The following PLCB1 variants were observed in gnomAD, a reference collection of about 807,000 sequenced individuals.
The protein encoded by PLCB1 is 1-phosphatidylinositol 4,5-bisphosphate phosphodiesterase beta-1.
PLCB1 carries 46 observed loss-of-function variants against 161.8 expected under a neutral mutation model. That is an observed-to-expected ratio of 0.28 (90% CI 0.22 to 0.36). PLCB1 has a LOEUF of 0.36. Among genes scored for constraint, PLCB1 ranks in the 10% least tolerant of loss-of-function variants. PLCB1 has a pLI of 1.00. For missense variants in PLCB1, 1,016 were observed against 1,472.5 expected, an observed-to-expected ratio of 0.69 and a Z score of 5.07; for synonymous variants, 517 against 503.7, an observed-to-expected ratio of 1.03 and a Z score of -0.35.
At chr20:8,697,484 T>C (rs932642424) in intron 10 of PLCB1, 142 bp from the exon 11 acceptor site, 10 of 772,120 alleles carry the variant, frequency 1.3e-5, no homozygotes, top group Middle Eastern at 6.9e-4. Context: ...TTCTGGTATG[T>C]TGAGGCAGAA....
chr20:8,442,001 T>C (rs550520328), intron 3 of PLCB1, among the ~76,000 whole-genome samples: 1 of 152,228 alleles, frequency 6.6e-6, no homozygotes, highest in East Asian at 1.9e-4. Flanking sequence ...CACACACACA[T>C]ACGCAGAAGA....
At chr20:8,663,971 G>A (rs766902164) in intron 9 of PLCB1, among the ~76,000 whole-genome samples, 17 of 152,028 alleles carry the variant, frequency 1.1e-4, no homozygotes, top group Non-Finnish European at 2.2e-4. Flanking sequence ...AAATAGAATA[G>A]CTCTATAGGT....
At chr20:8,410,980 G>A (rs949508504) in intron 3 of PLCB1, among the ~76,000 whole-genome samples, 5 of 152,338 alleles carry the variant, frequency 3.3e-5, no homozygotes, top group South Asian at 2.1e-4. Flanking sequence ...CCGTAGCAGC[G>A]TGACACTGAT....
intron 3 of PLCB1, among the ~76,000 whole-genome samples, chr20:8,606,835 A>C (rs2123159441): frequency 6.6e-6 from 1 of 152,326 alleles, no homozygotes; most frequent in Admixed American, 6.5e-5. Context: ...CACTTGGAAA[A>C]GTATTTCAAG....
At chr20:8,693,540 A>C (rs934695369) in intron 10 of PLCB1, among the ~76,000 whole-genome samples, 1 of 152,190 alleles carries the variant, frequency 6.6e-6, no homozygotes, top group Non-Finnish European at 1.5e-5. Context: ...AAGCAAGGAA[A>C]TGTAGTCCTC....
chr20:8,861,362 A>T (rs1260412134), intron 31 of PLCB1, among the ~76,000 whole-genome samples: 2 of 152,224 alleles, frequency 1.3e-5, no homozygotes, highest in Non-Finnish European at 2.9e-5. Flanking sequence ...ATAAGTCATT[A>T]GTTGGTGAGT....
chr20:8,868,604 T>C (rs370562317), intron 31 of PLCB1, among the ~76,000 whole-genome samples: 6 of 152,316 alleles, frequency 3.9e-5, no homozygotes, highest in African/African-American at 9.6e-5. Context: ...GATGGAGCCC[T>C]GGATAGGAGG....
intron 3 of PLCB1, among the ~76,000 whole-genome samples, chr20:8,378,406 G>T (rs150917576): frequency 6.6e-6 from 1 of 152,306 alleles, no homozygotes. Context: ...GCATGTAAAA[G>T]TTATGATTAC....
chr20:8,305,164 C>G (rs1159068693), intron 2 of PLCB1, among the ~76,000 whole-genome samples: 1 of 151,806 alleles, frequency 6.6e-6, no homozygotes, highest in Non-Finnish European at 1.5e-5. Context: ...TTAAGAACAC[C>G]TGTACTTAAC....
At chr20:8,841,644 T>C (rs899688025) in intron 31 of PLCB1, among the ~76,000 whole-genome samples, 27 of 150,986 alleles carry the variant, frequency 1.8e-4, no homozygotes, top group African/African-American at 6.0e-4. Flanking sequence ...TCCTGACTTA[T>C]ATCTCCACTC....
At chr20:8,733,088 C>A (rs1470887175) in intron 18 of PLCB1, 150 bp from the exon 19 acceptor site, 2 of 755,534 alleles carry the variant, frequency 2.6e-6, no homozygotes, top group African/African-American at 3.5e-5. Flanking sequence ...TAATTTTTTT[C>A]TTATCTGTGT....
intron 2 of PLCB1, among the ~76,000 whole-genome samples, chr20:8,159,988 C>CA (rs375028388): frequency 0.45 from 35,362 of 79,030 alleles, 6,532 homozygotes; most frequent in Non-Finnish European, 0.49. Context: ...AACTCCATCT[C>CA]AAAAAAAAAA....
intron 4 of PLCB1, among the ~76,000 whole-genome samples, chr20:8,638,561 T>C (rs1389173180): frequency 6.6e-6 from 1 of 152,118 alleles, no homozygotes; most frequent in African/African-American, 2.4e-5. Flanking sequence ...TAGAAATGTG[T>C]AAGTAAACCC....
At chr20:8,483,696 A>G (rs1005033722) in intron 3 of PLCB1, among the ~76,000 whole-genome samples, 1 of 152,178 alleles carries the variant, frequency 6.6e-6, no homozygotes, top group African/African-American at 2.4e-5. Flanking sequence ...GGCCACATAT[A>G]TAATTAATTT....
intron 4 of PLCB1, among the ~76,000 whole-genome samples, chr20:8,636,263 T>C (rs1988760001): frequency 1.7e-5 from 1 of 58,066 alleles, no homozygotes; most frequent in African/African-American, 7.3e-5. Flanking sequence ...CTGCTATTCC[T>C]GACCTTATTA....
chr20:8,339,954 C>T (rs1343698363), intron 2 of PLCB1, among the ~76,000 whole-genome samples: 6 of 152,038 alleles, frequency 3.9e-5, no homozygotes, highest in African/African-American at 1.4e-4. Flanking sequence ...AAAGTAAGAC[C>T]CTGTCTCTTC....
At chr20:8,549,892 G>A (rs921797854) in intron 3 of PLCB1, among the ~76,000 whole-genome samples, 2 of 152,130 alleles carry the variant, frequency 1.3e-5, no homozygotes, top group African/African-American at 2.4e-5. Context: ...GTTTTATAAG[G>A]TGCATCCCCC....
chr20:8,821,855 C>T (rs1279571945), intron 31 of PLCB1, among the ~76,000 whole-genome samples: 1 of 151,990 alleles, frequency 6.6e-6, no homozygotes, highest in African/African-American at 2.4e-5. Flanking sequence ...GTGCACTATA[C>T]TTCCACTGTT....
intron 2 of PLCB1, among the ~76,000 whole-genome samples, chr20:8,359,288 G>T: frequency 6.6e-6 from 1 of 152,182 alleles, no homozygotes; most frequent in Non-Finnish European, 1.5e-5. Context: ...AGGTTTTAAT[G>T]AAATGATAAA....
Sources: gnomAD v4.1 joint callset for allele counts (sites outside exome capture counted in the v4.1 genomes callset) on GRCh38, gnomAD v4.1.1 for gene constraint, MANE v1.5 for transcripts, NCBI Gene and HGNC (gene_info 2026-07-23, HGNC 2026-07-21) for gene names.